The following TEX11 variants were observed in gnomAD, a reference collection of about 807,000 sequenced individuals.
The protein encoded by TEX11 is testis-expressed protein 11.
A neutral mutation model predicts 84.4 loss-of-function variants in TEX11; 7 were observed. The ratio of observed to expected loss-of-function variants is 0.08; its 90% CI spans 0.05 to 0.16. TEX11 has a LOEUF of 0.16. Among genes scored for constraint, TEX11 ranks in the 10% least tolerant of loss-of-function variants. The pLI is 1.00. For synonymous variants in TEX11, 264 were observed against 222.8 expected (o/e 1.18, Z -1.64); for missense variants, 551 against 660.5 (o/e 0.83, Z 1.82).
At chrX:70,719,429 C>T (rs1032830791) in intron 13 of TEX11, among the ~76,000 whole-genome samples, 2 of 111,808 alleles carry the variant, frequency 1.8e-5, no homozygotes, top group South Asian at 7.5e-4. Context: ...ATTGACACCA[C>T]AAATAAATAT....
chrX:70,779,657 C>T (rs1482023812), intron 9 of TEX11, among the ~76,000 whole-genome samples: 1 of 109,756 alleles, frequency 9.1e-6, no homozygotes, highest in Non-Finnish European at 1.9e-5. Flanking sequence ...TTTAGCAAAA[C>T]CAAGATATAG....
intron 13 of TEX11, among the ~76,000 whole-genome samples, chrX:70,706,032 A>C: frequency 9.0e-6 from 1 of 111,290 alleles, no homozygotes; most frequent in Non-Finnish European, 1.9e-5. Context: ...GGCACTATTC[A>C]CAATAGGAAA....
chrX:70,639,564 G>A (rs984836473), intron 17 of TEX11, among the ~76,000 whole-genome samples: 1 of 111,853 alleles, frequency 8.9e-6, no homozygotes, highest in South Asian at 3.7e-4. Context: ...GTACGCAGCT[G>A]GAGATCTGAG....
intron 11 of TEX11, among the ~76,000 whole-genome samples, chrX:70,737,940 A>G (rs1405374866): frequency 5.4e-5 from 6 of 111,820 alleles, no homozygotes; most frequent in African/African-American, 1.9e-4. Context: ...CACTTTATAC[A>G]AAAATTAACT....
At position 70,806,799 on chromosome X, in the gene TEX11, T is replaced by TA. The variant is rs749630360; in HGVS notation, c.607-10dup. On this transcript the variant is annotated splice_polypyrimidine_tract_variant and intron_variant, in intron 8 of 29. Coordinates refer to ENST00000374333, the MANE Select transcript of TEX11 (RefSeq NM_031276.3). ...TGATGAAGACTTGAAGTCTGCAATA[T>TA]AAAAAAAATGCATTAGATTCATGAT... 4.8e-5 allele frequency: 54 copies of TA among 1,116,955 alleles called. No individual in the cohort carries two copies. Among genetic ancestry groups the TA allele is most frequent in the South Asian group, 1.6e-4 (8 of 50,299 alleles). 92.0% of individuals were successfully genotyped at this position (1,116,955 alleles called of 1,213,427 possible).
intron 16 of TEX11, among the ~76,000 whole-genome samples, chrX:70,667,369 G>A (rs1211962898): frequency 9.0e-6 from 1 of 111,684 alleles, no homozygotes; most frequent in Admixed American, 9.5e-5. Flanking sequence ...CTCTCCTAGT[G>A]GAAAATAATG....
rs758755450 is a variant in TEX11 at position 70,657,136 on chromosome X, A to C, written c.1381-5584T>G. Among the ~76,000 whole-genome samples, 8 of 112,181 alleles carry C rather than the reference A, an allele frequency of 7.1e-5. No individual in the cohort carries two copies. In the South Asian group the frequency reaches 2.6e-3, roughly 36 times the overall value. On this transcript the variant is annotated intron_variant, in intron 16 of 29. Coordinates refer to ENST00000374333, the MANE Select transcript of TEX11 (RefSeq NM_031276.3). ...TGTGGCTACTGCAATTGAAGAAATA[A>C]ATTTTTATAACTTTATTTAATTTTA...
intron 15 of TEX11, among the ~76,000 whole-genome samples, chrX:70,674,190 T>C (rs1031406196): frequency 1.8e-5 from 2 of 112,415 alleles, no homozygotes; most frequent in Non-Finnish European, 3.8e-5. Flanking sequence ...CTCAGGACGA[T>C]AGCTTCCAGC....
chrX:70,881,792 G>A (rs769300193), intron 2 of TEX11, among the ~76,000 whole-genome samples: 6 of 109,874 alleles, frequency 5.5e-5, no homozygotes, highest in Admixed American at 3.9e-4. Context: ...CAATAAAGAC[G>A]TCACAAAGCA....
intron 9 of TEX11, among the ~76,000 whole-genome samples, chrX:70,778,732 G>A (rs1038039085): frequency 2.7e-5 from 3 of 111,039 alleles, no homozygotes; most frequent in Non-Finnish European, 5.6e-5. Context: ...CTGGGCTCAA[G>A]CGATCCTTGA....
chrX:70,705,590 A>G (rs1005792286), intron 13 of TEX11, among the ~76,000 whole-genome samples: 3 of 111,876 alleles, frequency 2.7e-5, no homozygotes, highest in African/African-American at 9.7e-5. Flanking sequence ...CAGAATCTAC[A>G]AAGAACTCAA....
chrX:70,563,522 G>A (rs889265061), intron 25 of TEX11, among the ~76,000 whole-genome samples: 4 of 111,988 alleles, frequency 3.6e-5, no homozygotes, highest in African/African-American at 1.3e-4. Context: ...GATGTGAAAT[G>A]GGTTACTAGG....
chrX:70,702,140 G>A (rs1368074540), intron 13 of TEX11, among the ~76,000 whole-genome samples: 1 of 111,604 alleles, frequency 9.0e-6, no homozygotes, highest in Admixed American at 9.6e-5. Flanking sequence ...TTCTACTGTG[G>A]GTGAAATGCT....
At chrX:70,758,539 A>G (rs1160545082) in intron 9 of TEX11, among the ~76,000 whole-genome samples, 2 of 112,276 alleles carry the variant, frequency 1.8e-5, no homozygotes, top group African/African-American at 3.2e-5. Context: ...TAACAAAATG[A>G]AGGCAGAAAT....
intron 13 of TEX11, among the ~76,000 whole-genome samples, chrX:70,687,283 G>T (rs1342928516): frequency 9.0e-6 from 1 of 111,133 alleles, no homozygotes; most frequent in Non-Finnish European, 1.9e-5. Context: ...ACTATTTTTT[G>T]TAAAAATCAT....
At chrX:70,844,119 C>T (rs1193939137) in intron 7 of TEX11, among the ~76,000 whole-genome samples, 29 of 109,766 alleles carry the variant, frequency 2.6e-4, no homozygotes, top group African/African-American at 8.0e-4. Context: ...GGGTATATAC[C>T]CAAAGGATTA....
intron 16 of TEX11, among the ~76,000 whole-genome samples, chrX:70,656,454 A>G (rs781564097): frequency 9.0e-6 from 1 of 110,862 alleles, no homozygotes; most frequent in African/African-American, 3.3e-5. Flanking sequence ...AAAAAAAACT[A>G]TACAAAATGA....
intron 28 of TEX11, among the ~76,000 whole-genome samples, chrX:70,543,165 C>G (rs2088070091): frequency 1.8e-5 from 2 of 110,411 alleles, no homozygotes; most frequent in Non-Finnish European, 1.9e-5. Context: ...CTGGGCGACA[C>G]AGCGAGACTC....
chrX:70,897,195 T>TTA (rs1569462989), intron 2 of TEX11, among the ~76,000 whole-genome samples: 3 of 44,036 alleles, frequency 6.8e-5, no homozygotes, highest in African/African-American at 1.8e-4. Context: ...ATAATATATG[T>TTA]TATATATTAT....
Sources: allele counts gnomAD v4.1 joint callset (sites outside exome capture counted in the v4.1 genomes callset), GRCh38; gene constraint gnomAD v4.1.1; transcripts MANE v1.5; gene names NCBI Gene and HGNC (gene_info 2026-07-23, HGNC 2026-07-21).